Variants in ITPR1 observed in about 807,000 individuals in gnomAD.
The protein encoded by ITPR1 is inositol 1,4,5-trisphosphate-gated calcium channel ITPR1.
ITPR1 carries 96 observed loss-of-function variants against 318.4 expected under a neutral mutation model. The ratio of observed to expected loss-of-function variants is 0.30; its 90% CI spans 0.26 to 0.36. The LOEUF is 0.36. Among genes scored for constraint, ITPR1 ranks in the 10% least tolerant of loss-of-function variants. ITPR1 has a pLI of 1.00. For synonymous variants in ITPR1, 1,312 were observed against 1,289.9 expected (o/e 1.02, Z -0.37); for missense variants, 2,440 against 3,460.2 (o/e 0.71, Z 7.40).
intron 60 of ITPR1, chr3:4,830,914 T>G (rs1340441427): frequency 2.2e-6 from 1 of 456,218 alleles, no homozygotes; most frequent in Non-Finnish European, 4.4e-6. Context: ...ACAAAAATGT[T>G]CCATCGTTTA....
chr3:4,558,259 G>T (rs1331861132), intron 4 of ITPR1, among the ~76,000 whole-genome samples: 2 of 152,032 alleles, frequency 1.3e-5, no homozygotes, highest in African/African-American at 2.4e-5. Flanking sequence ...CATACTAATG[G>T]CAAATAGTGC....
intron 4 of ITPR1, among the ~76,000 whole-genome samples, chr3:4,563,753 C>A (rs974697931): frequency 1.3e-5 from 2 of 152,038 alleles, no homozygotes; most frequent in East Asian, 3.9e-4. Flanking sequence ...CCTGTGACTC[C>A]ACAGACCAGT....
At chr3:4,768,387 G>A in intron 45 of ITPR1, 124 bp from the exon 46 acceptor site, 1 of 1,168,964 alleles carries the variant, frequency 8.6e-7, no homozygotes, top group Non-Finnish European at 1.2e-6. Context: ...TTCTTTGAGT[G>A]TTTTGCCAAC....
chr3:4,723,985 G>A (rs1357049543), intron 40 of ITPR1, among the ~76,000 whole-genome samples: 1 of 152,200 alleles, frequency 6.6e-6, no homozygotes, highest in Non-Finnish European at 1.5e-5. Context: ...GAATGTAAGG[G>A]TAGAGTTAAA....
rs948834206 is a variant in ITPR1 at position 4,815,329 on chromosome 3, G to A, written c.7867+111G>A. The A allele has an allele frequency of 6.4e-5, 61 of 956,748 alleles. 1 individual carries two copies. The highest frequency in any genetic ancestry group is 9.2e-5 in the Non-Finnish European group (59 of 640,586). 59.3% of individuals were successfully genotyped at this position (956,748 alleles called of 1,614,324 possible). A position where few individuals can be genotyped will look rare whatever the true frequency, so the allele number is the denominator to read the frequency against. On this transcript the variant is annotated intron_variant, in intron 59 of 61. Coordinates refer to ENST00000649015, the MANE Select transcript of ITPR1 (RefSeq NM_001378452.1). Reference sequence around the variant, plus strand: ...GGTGCCTGCCCAGTTATGCGGGAGGGGGCACCGGCTGCTGCTTCGTCTTGA... The same window carrying A: ...GGTGCCTGCCCAGTTATGCGGGAGGAGGCACCGGCTGCTGCTTCGTCTTGA...
chr3:4,575,531 C>A (rs1250719108), intron 4 of ITPR1, among the ~76,000 whole-genome samples: 1 of 152,140 alleles, frequency 6.6e-6, no homozygotes, highest in Non-Finnish European at 1.5e-5. Context: ...GCATGGATAA[C>A]TAGATTGATG....
At chr3:4,526,836 A>G (rs900871493) in intron 4 of ITPR1, among the ~76,000 whole-genome samples, 5 of 152,228 alleles carry the variant, frequency 3.3e-5, no homozygotes, top group African/African-American at 1.2e-4. Flanking sequence ...TCCATGAGGA[A>G]AGAGACATTC....
intron 24 of ITPR1, among the ~76,000 whole-genome samples, chr3:4,677,182 C>G (rs1288774115): frequency 6.6e-6 from 1 of 152,174 alleles, no homozygotes; most frequent in Non-Finnish European, 1.5e-5. Context: ...TCCCTTCTTC[C>G]CTTTTTCATT....
rs1250332326 is a variant in ITPR1 at position 4,811,393 on chromosome 3, C to T, written c.7401C>T (p.Gly2467=). 11 of 1,613,862 alleles carry T rather than the reference C, an allele frequency of 6.8e-6. No homozygotes were observed. The highest frequency in any genetic ancestry group is 9.3e-6 in the Non-Finnish European group (11 of 1,179,874). Residue 2467 remains glycine, a synonymous_variant, in exon 56 of 62, where the codon GGC becomes GGT. Coordinates refer to ENST00000649015, the MANE Select transcript of ITPR1 (RefSeq NM_001378452.1). ...TCGTTTACCTGTTCTCAATAGTGGG[C>T]TATCTTTTCTTCAAGGATGACTTTA... ...LILVYLFSIV[G]YLFFKDDFIL...
At chr3:4,775,987 A>T (rs1349805499) in intron 47 of ITPR1, among the ~76,000 whole-genome samples, 1 of 152,262 alleles carries the variant, frequency 6.6e-6, no homozygotes, top group South Asian at 2.1e-4. Context: ...AGTACAACCC[A>T]ATAACTTCTT....
chr3:4,740,515 G>GACATA (rs764728933), intron 44 of ITPR1, among the ~76,000 whole-genome samples: 33 of 152,144 alleles, frequency 2.2e-4, no homozygotes, highest in Non-Finnish European at 4.4e-4. Flanking sequence ...CACTCTCATG[G>GACATA]AGGGTTTGCT....
rs762583298 is a variant in ITPR1 at position 4,834,840 on chromosome 3, T to G, written c.8029-1934T>G. 4.1e-4 allele frequency among the ~76,000 whole-genome samples: 63 copies of G among 152,176 alleles called. 1 individual carries two copies. Among genetic ancestry groups the G allele is most frequent in the Non-Finnish European group, 6.9e-4 (47 of 68,028 alleles). On this transcript the variant is annotated intron_variant, in intron 60 of 61. Coordinates refer to ENST00000649015, the MANE Select transcript of ITPR1 (RefSeq NM_001378452.1). Reference sequence around the variant, plus strand: ...TGCCCATTGCTCTGTGGTGGGAAATTGATGAATATAAGCTAATGTTAAGAC... The same window carrying G: ...TGCCCATTGCTCTGTGGTGGGAAATGGATGAATATAAGCTAATGTTAAGAC...
intron 36 of ITPR1, among the ~76,000 whole-genome samples, chr3:4,704,740 A>C (rs1019705546): frequency 1.3e-5 from 2 of 151,542 alleles, no homozygotes; most frequent in Non-Finnish European, 2.9e-5. Flanking sequence ...AAAGACAAGG[A>C]GAGTTGATGT....
At chr3:4,717,226 C>T in intron 39 of ITPR1, 141 bp from the exon 40 acceptor site, 1 of 747,070 alleles carries the variant, frequency 1.3e-6, no homozygotes. Context: ...CCTAAGCGCC[C>T]AAGCCTCTTA....
chr3:4,796,370 C>T (rs1334917382), intron 53 of ITPR1, among the ~76,000 whole-genome samples: 1 of 151,934 alleles, frequency 6.6e-6, no homozygotes, highest in African/African-American at 2.4e-5. Context: ...GACTAGAACC[C>T]AGAGCTGCAA....
chr3:4,572,574 T>G (rs1183319178), intron 4 of ITPR1, among the ~76,000 whole-genome samples: 1 of 152,232 alleles, frequency 6.6e-6, no homozygotes, highest in Non-Finnish European at 1.5e-5. Context: ...TGAGTTTCAT[T>G]TTTTAAAAAT....
chr3:4,755,387 T>C (rs2044885915), intron 44 of ITPR1, among the ~76,000 whole-genome samples: 1 of 139,054 alleles, frequency 7.2e-6, no homozygotes, highest in African/African-American at 2.5e-5. Flanking sequence ...AAGGTGTTTT[T>C]TCCCCCAATT....
At chr3:4,611,561 AAAATAAATAAATAAAT>A (rs372628182) in intron 4 of ITPR1, among the ~76,000 whole-genome samples, 2 of 142,474 alleles carry the variant, frequency 1.4e-5, no homozygotes, top group African/African-American at 5.3e-5. Context: ...CTCTCTCTCA[AAAATAAATAAATAAAT>A]AAATAAATAA....
intron 44 of ITPR1, among the ~76,000 whole-genome samples, chr3:4,755,651 G>A (rs1476813763): frequency 2.6e-5 from 4 of 152,180 alleles, no homozygotes; most frequent in African/African-American, 9.7e-5. Flanking sequence ...TGGAGCTTAG[G>A]CCGTTCCCCA....
Sources: allele counts gnomAD v4.1 joint callset (sites outside exome capture counted in the v4.1 genomes callset), GRCh38; gene constraint gnomAD v4.1.1; transcripts MANE v1.5; gene names NCBI Gene and HGNC (gene_info 2026-07-23, HGNC 2026-07-21).